Variants in GCKR observed in about 807,000 individuals in gnomAD.
GCKR encodes glucokinase regulator, also known as glucokinase regulatory protein.
GCKR carries 73 observed loss-of-function variants against 82.9 expected under a neutral mutation model. The ratio of observed to expected loss-of-function variants is 0.88; its 90% CI spans 0.73 to 1.07. The LOEUF (loss-of-function observed/expected upper bound fraction) is 1.07, where lower values mean the gene tolerates loss of function less well. GCKR is among the 50% of genes least tolerant of loss of function. The pLI is 0.00. For synonymous variants in GCKR, 294 were observed against 291.8 expected, an observed-to-expected ratio of 1.01 and a Z score of -0.08; for missense variants, 784 against 782.1, an observed-to-expected ratio of 1.00 and a Z score of -0.03.
intron 8 of GCKR, among the ~76,000 whole-genome samples, chr2:27,502,420 C>CT (rs1171486688): frequency 1.3e-5 from 2 of 152,114 alleles, no homozygotes; most frequent in African/African-American, 4.8e-5. Context: ...ATCTGGGAAG[C>CT]TTTTTTAAAA....
chr2:27,506,591 T>A lies in GCKR; in HGVS notation c.968+12T>A. The A allele has an allele frequency of 6.3e-7, 1 of 1,580,240 alleles. No individual in the cohort carries two copies. The highest frequency in any genetic ancestry group is 8.7e-7 in the Non-Finnish European group (1 of 1,149,026). Reference sequence around the variant, plus strand: ...AGTGTCAGCACCAGGTGTGTGGATATGTGTTTAGAGGTGAGGATGTGGCCC... The same window carrying A: ...AGTGTCAGCACCAGGTGTGTGGATAAGTGTTTAGAGGTGAGGATGTGGCCC... On this transcript the variant is annotated intron_variant, in intron 11 of 18. Transcript: ENST00000264717.
rs540946945 is a variant in GCKR, at chr2:27,519,623, G to GT, written c.1572+692dup. On this transcript the variant is annotated intron_variant, in intron 17 of 18. Coordinates refer to ENST00000264717, the MANE Select transcript of GCKR (RefSeq NM_001486.4). ...GGCCGTTGCTCTCATTCTTAGGCAA[G>GT]TTTTTTCCATTAGGTGGCAAACTGG... Among the ~76,000 whole-genome samples, 333 of 152,296 alleles carry GT rather than the reference G, an allele frequency of 2.2e-3. 1 individual carries two copies. Among genetic ancestry groups the GT allele is most frequent in the African/African-American group, 7.5e-3 (312 of 41,570 alleles).
At chr2:27,522,365 A>C in intron 17 of GCKR, 95 bp from the exon 18 acceptor site, 2 of 1,254,324 alleles carry the variant, frequency 1.6e-6, no homozygotes, top group Non-Finnish European at 2.3e-6. Context: ...TCGGGATCCC[A>C]GCCTCTCACT....
In GCKR at chr2:27,497,602, T is replaced by C. The variant is rs182470865; in HGVS notation, c.257T>C (p.Val86Ala). Residue 86 changes from valine to alanine, a missense_variant, in exon 3 of 19, where the codon GTG becomes GCG. Coordinates refer to ENST00000264717, the MANE Select transcript of GCKR (RefSeq NM_001486.4). Reference protein sequence around the residue: ...SESILTTMVQVAGKVQEVLKE... With the variant: ...SESILTTMVQAAGKVQEVLKE... ...TCCATTCTGACCACCATGGTACAGG[T>C]GGCTGGGAAAGTTCAGGAAGTGCTG... The C allele has an allele frequency of 3.1e-6, 5 of 1,613,130 alleles. No homozygotes were observed. The African/African-American group carries it at 4.0e-5, about 13-fold the overall frequency.
At chr2:27,509,932 A>G (rs1669841275) in intron 16 of GCKR, 1 of 151,842 alleles carries the variant, frequency 6.6e-6, no homozygotes, top group Non-Finnish European at 1.5e-5. Flanking sequence ...ATAGATCACC[A>G]TCATTTTCAA....
Position 27,503,521 on chromosome 2 carries a change from C to A in GCKR, c.652C>A (p.Pro218Thr). The change falls in exon 9 of 19, where the codon CCC becomes ACC. Residue 218 changes from proline (P) to threonine (T), a missense_variant. Physicochemically the swap from Pro to Thr is conservative, Grantham distance 38. Transcript: ENST00000264717. ...TGTCTCTCTGGACCTCAGAAATGAC[C>A]CCATTGAAGACTGGAGTTCAACATT... ...FNPVSMARND[P>T]IEDWSSTFRQ... 1 of 1,563,680 alleles carries A rather than the reference C, an allele frequency of 6.4e-7. No homozygotes were observed. The highest frequency in any genetic ancestry group is 8.8e-7 in the Non-Finnish European group (1 of 1,133,970).
rs764825828 is a variant in GCKR, at chr2:27,507,789, G to T, written c.1240+12G>T. The T allele has an allele frequency of 6.8e-7, 1 of 1,472,888 alleles. No homozygotes were observed. The highest frequency in any genetic ancestry group is 9.5e-7 in the Non-Finnish European group (1 of 1,051,030). 91.2% of individuals were successfully genotyped at this position (1,472,888 alleles called of 1,614,324 possible). On this transcript the variant is annotated intron_variant, in intron 14 of 18. Coordinates refer to ENST00000264717, the MANE Select transcript of GCKR (RefSeq NM_001486.4). ...TTTCACCCTGGATGGTGAGAGGGAA[G>T]ATGGGAGTGGTGAGGGGTGGGGAGG... is the stretch of plus-strand genomic sequence containing the variant.
chr2:27,508,158 C>G lies in GCKR; in HGVS notation c.1339-10C>G. The G allele has an allele frequency of 1.1e-5, 18 of 1,605,272 alleles. No homozygotes were observed. Among genetic ancestry groups the G allele is most frequent in the Non-Finnish European group, 1.5e-5 (18 of 1,172,128 alleles). ...AGATGCCTCTCCTGCTCCTCTTTCT[C>G]TCTCTCCAGATCCCTCTGAAGAAGC... On this transcript the variant is annotated splice_polypyrimidine_tract_variant and intron_variant, in intron 15 of 18. Transcript: ENST00000264717.
intron 7 of GCKR, 30 bp from the exon 8 acceptor site, chr2:27,501,105 C>T (rs1322512953): frequency 6.8e-7 from 1 of 1,473,078 alleles, no homozygotes; most frequent in Non-Finnish European, 9.5e-7. Context: ...ATGACCCCCT[C>T]ATCATGCCCT....
intron 9 of GCKR, among the ~76,000 whole-genome samples, chr2:27,505,223 C>T (rs1669692767): frequency 6.8e-6 from 1 of 145,990 alleles, no homozygotes; most frequent in East Asian, 2.0e-4. Flanking sequence ...GGTGAAACCC[C>T]ATCTCTACTA....
intron 17 of GCKR, among the ~76,000 whole-genome samples, chr2:27,520,784 CCAGCATTCTGGGAGGCCGAAG>C (rs1670131894): frequency 1.3e-5 from 2 of 152,034 alleles, no homozygotes; most frequent in South Asian, 4.1e-4. Context: ...GCCTGTAATC[CCAGCATTCTGGGAGGCCGAAG>C]CAGGCAGATC....
At chr2:27,502,721 AG>A (rs1572861606) in intron 8 of GCKR, among the ~76,000 whole-genome samples, 1 of 152,206 alleles carries the variant, frequency 6.6e-6, no homozygotes, top group East Asian at 1.9e-4. Flanking sequence ...GTAATACAGA[AG>A]AAAAAAAATA....
At chr2:27,497,157 G>T in intron 1 of GCKR, 87 bp from the exon 2 acceptor site, 8 of 1,502,726 alleles carry the variant, frequency 5.3e-6, no homozygotes, top group Non-Finnish European at 7.4e-6. Context: ...TCCAAACTCT[G>T]TGCCTGCTGC....
rs556404401 is a variant in GCKR at position 27,496,945 on chromosome 2, C to A, written c.41C>A (p.Pro14Gln). Residue 14 changes from proline (P) to glutamine (Q), a missense_variant, in exon 1 of 19, where the codon CCG (proline) becomes CAG (glutamine). Pro to Gln is a moderately conservative substitution (Grantham distance 76). Transcript: ENST00000264717. ...CGGTTTCAACATGTCATTGAGACCC[C>A]GGAGCCTGGCAAGTGGGAGGTGAGA... ...TKRFQHVIET[P>Q]EPGKWELSGY... 1 of 1,613,392 alleles carries A rather than the reference C, an allele frequency of 6.2e-7. No homozygotes were observed. The highest frequency in any genetic ancestry group is 1.3e-5 in the African/African-American group (1 of 74,978).
Position 27,497,335 on chromosome 2 carries a change from G to T in GCKR, c.152G>T (p.Arg51Leu). 1.2e-6 allele frequency: 2 copies of T among 1,614,154 alleles called. No homozygotes were observed. The highest frequency in any genetic ancestry group is 2.2e-5 in the East Asian group (1 of 44,888). ...AAAGCAGATGCTGAGAACATTGTTC[G>T]ACTGCTAGGGCAATGTGATGCTGAG... ...LDKADAENIV[R>L]LLGQCDAEIF... The change falls in exon 2 of 19, where the codon CGA (arginine) becomes CTA (leucine). Residue 51 changes from arginine (R) to leucine (L), a missense_variant. Coordinates refer to ENST00000264717, the MANE Select transcript of GCKR (RefSeq NM_001486.4).
rs144092851 is a variant in GCKR, at chr2:27,513,482, C to T, written c.1422+5231C>T. On this transcript the variant is annotated intron_variant, in intron 16 of 18. Transcript: ENST00000264717. Reference sequence around the variant, plus strand: ...GGTAGAGGTTGCAGTGAGCTGAGATCGTGCCATTGCACTCCAGCCTGGGTG... The same window carrying T: ...GGTAGAGGTTGCAGTGAGCTGAGATTGTGCCATTGCACTCCAGCCTGGGTG... Among the ~76,000 whole-genome samples the T allele has an allele frequency of 9.8e-3, 1,463 of 149,338 alleles. 26 individuals are homozygous for T. Among genetic ancestry groups the T allele is most frequent in the African/African-American group, 0.035 (1,394 of 40,398 alleles).
rs768417584 is a variant in GCKR at position 27,506,586 on chromosome 2, G to T, written c.968+7G>T. On this transcript the variant is annotated splice_region_variant and intron_variant, in intron 11 of 18. Transcript: ENST00000264717. The stretch of plus-strand genomic sequence containing the variant: ...TGAAGAGTGTCAGCACCAGGTGTGT[G>T]GATATGTGTTTAGAGGTGAGGATGT... The T allele has an allele frequency of 6.3e-7, 1 of 1,589,576 alleles. No individual in the cohort carries two copies. Among genetic ancestry groups the T allele is most frequent in the Non-Finnish European group, 8.6e-7 (1 of 1,157,546 alleles).
At chr2:27,505,951 C>A in intron 10 of GCKR, 115 bp downstream of exon 10, 1 of 758,062 alleles carries the variant, frequency 1.3e-6, no homozygotes. Flanking sequence ...GACTGCAGCC[C>A]ACCACGCCTC....
At chr2:27,503,793 C>T (rs1376098132) in intron 9 of GCKR, among the ~76,000 whole-genome samples, 174 bp downstream of exon 9, 1 of 152,192 alleles carries the variant, frequency 6.6e-6, no homozygotes, top group Non-Finnish European at 1.5e-5. Context: ...ACATTTTCAC[C>T]TTAAGATATT....
Sources: gnomAD v4.1 joint callset for allele counts (sites outside exome capture counted in the v4.1 genomes callset) on GRCh38, gnomAD v4.1.1 for gene constraint, MANE v1.5 for transcripts, NCBI Gene and HGNC (gene_info 2026-07-23, HGNC 2026-07-21) for gene names.